The following LRRC4C variants were observed in gnomAD, a reference collection of about 807,000 sequenced individuals.
LRRC4C encodes the protein leucine-rich repeat-containing protein 4C.
A neutral mutation model predicts 33.6 loss-of-function variants in LRRC4C; 5 were observed. That is an observed-to-expected ratio of 0.15 (90% CI 0.08 to 0.31). LRRC4C has a LOEUF of 0.31. LRRC4C is among the 10% of genes least tolerant of loss of function. The pLI is 1.00. For synonymous variants in LRRC4C, 329 were observed against 302.0 expected, an observed-to-expected ratio of 1.09 and a Z score of -0.93; for missense variants, 560 against 796.7, an observed-to-expected ratio of 0.70 and a Z score of 3.58.
At chr11:40,732,005 T>C (rs1947608673) in intron 2 of LRRC4C, among the ~76,000 whole-genome samples, 1 of 151,452 alleles carries the variant, frequency 6.6e-6, no homozygotes, top group African/African-American at 2.4e-5. Flanking sequence ...CAATCTTCTA[T>C]CCTAGGAACA....
chr11:40,206,928 G>A (rs995824282), intron 5 of LRRC4C, among the ~76,000 whole-genome samples: 2 of 151,958 alleles, frequency 1.3e-5, no homozygotes, highest in Non-Finnish European at 2.9e-5. Flanking sequence ...ATAAACCTGG[G>A]GGAAGGGGAC....
At chr11:41,027,944 A>G (rs928780165) in intron 1 of LRRC4C, among the ~76,000 whole-genome samples, 5 of 151,694 alleles carry the variant, frequency 3.3e-5, no homozygotes, top group African/African-American at 1.2e-4. Flanking sequence ...GTATTAATTA[A>G]AACTCAAACA....
chr11:41,367,579 C>A (rs562641191), intron 1 of LRRC4C, among the ~76,000 whole-genome samples: 1 of 152,076 alleles, frequency 6.6e-6, no homozygotes, highest in African/African-American at 2.4e-5. Flanking sequence ...ATTTTTCACA[C>A]GTAAAATTGG....
rs549145259 is a variant in LRRC4C, at chr11:40,457,286, T to G, written c.-269-137565A>C. 1.1e-4 allele frequency among the ~76,000 whole-genome samples: 17 copies of G among 152,132 alleles called. No individual in the cohort carries two copies. In the South Asian group the frequency reaches 3.5e-3, roughly 32 times the overall value. On this transcript the variant is annotated intron_variant, in intron 3 of 6. Transcript: ENST00000528697. ...GAAAGATATTTTTAAGAAGAAAGTA[T>G]ACCCATCAAAGAGTAATAAATTCAT... is the stretch of plus-strand genomic sequence containing the variant.
chr11:41,441,566 T>C (rs2138532791), intron 1 of LRRC4C, among the ~76,000 whole-genome samples: 1 of 150,462 alleles, frequency 6.6e-6, no homozygotes, highest in Non-Finnish European at 1.5e-5. Flanking sequence ...CAATCTTCAT[T>C]CAGAGACTTA....
intron 2 of LRRC4C, among the ~76,000 whole-genome samples, chr11:40,881,836 T>G (rs1175900018): frequency 6.6e-6 from 1 of 152,070 alleles, no homozygotes; most frequent in Non-Finnish European, 1.5e-5. Context: ...ATTATATATT[T>G]TAATAAACTT....
intron 6 of LRRC4C, 35 bp from the exon 7 acceptor site, chr11:40,116,369 A>G (rs1193341300): frequency 6.6e-7 from 1 of 1,511,514 alleles, no homozygotes; most frequent in African/African-American, 1.4e-5. Context: ...CAATTATTAG[A>G]TTAGATTTAT....
chr11:41,428,503 G>A (rs938550844), intron 1 of LRRC4C, among the ~76,000 whole-genome samples: 8 of 152,012 alleles, frequency 5.3e-5, no homozygotes, highest in Admixed American at 1.3e-4. Flanking sequence ...TCAACTTTCT[G>A]CCTAACAATA....
chr11:40,137,188 GTGTA>G (rs1220267943), intron 6 of LRRC4C, among the ~76,000 whole-genome samples: 10 of 151,842 alleles, frequency 6.6e-5, no homozygotes, highest in Non-Finnish European at 1.3e-4. Flanking sequence ...GTGTGTGTGT[GTGTA>G]TGTGAGAATA....
chr11:40,372,832 A>G (rs1473268615), intron 3 of LRRC4C, among the ~76,000 whole-genome samples: 1 of 152,178 alleles, frequency 6.6e-6, no homozygotes, highest in African/African-American at 2.4e-5. Flanking sequence ...GGTGGAATTG[A>G]ATATCTGGCC....
chr11:41,081,584 A>T (rs1301536617), intron 1 of LRRC4C, among the ~76,000 whole-genome samples: 2 of 152,144 alleles, frequency 1.3e-5, no homozygotes, highest in Non-Finnish European at 2.9e-5. Flanking sequence ...CTTATTATCC[A>T]CCTATTGCAG....
At chr11:40,984,048 TC>T (rs1218772484) in intron 1 of LRRC4C, among the ~76,000 whole-genome samples, 1 of 151,970 alleles carries the variant, frequency 6.6e-6, no homozygotes, top group Non-Finnish European at 1.5e-5. Flanking sequence ...AAGCTGACCA[TC>T]TAATGGAGAA....
chr11:40,308,309 A>G (rs906252975), intron 4 of LRRC4C, among the ~76,000 whole-genome samples: 11 of 152,238 alleles, frequency 7.2e-5, no homozygotes, highest in African/African-American at 2.4e-4. Context: ...ATAAAGTAGA[A>G]GAGAAACTGA....
chr11:41,437,648 C>T (rs1955476147), intron 1 of LRRC4C, among the ~76,000 whole-genome samples: 1 of 152,182 alleles, frequency 6.6e-6, no homozygotes, highest in Non-Finnish European at 1.5e-5. Context: ...TTTCCTTATT[C>T]ACTCATTACA....
chr11:40,915,089 A>G (rs1180286487), intron 2 of LRRC4C, among the ~76,000 whole-genome samples: 1 of 152,192 alleles, frequency 6.6e-6, no homozygotes, highest in African/African-American at 2.4e-5. Flanking sequence ...ATGGGTAGGA[A>G]GAATCAATAT....
chr11:40,274,424 T>TACACACACACACAC lies in LRRC4C; in HGVS notation c.-175-32840_-175-32827dup, dbSNP rs56027023. Among the ~76,000 whole-genome samples the TACACACACACACAC allele has an allele frequency of 8.6e-3, 1,202 of 139,038 alleles. 18 individuals carry two copies. Among genetic ancestry groups the TACACACACACACAC allele is most frequent in the East Asian group, 0.027 (118 of 4,392 alleles). 91.2% of individuals were successfully genotyped at this position (139,038 alleles called of 152,430 possible). A position where few individuals can be genotyped will look rare whatever the true frequency, so the allele number is the denominator to read the frequency against. Reference sequence around the variant, plus strand: ...TTACCCTGCGGAATAGACACACACATACACACACACACACACACACACACA... The same window carrying TACACACACACACAC: ...TTACCCTGCGGAATAGACACACACATACACACACACACACACACACACACACACACACACACACA... On this transcript the variant is annotated intron_variant, in intron 4 of 6. Coordinates refer to ENST00000528697, the MANE Select transcript of LRRC4C (RefSeq NM_001258419.2).
At chr11:40,709,811 A>C (rs909482101) in intron 2 of LRRC4C, among the ~76,000 whole-genome samples, 39 of 152,024 alleles carry the variant, frequency 2.6e-4, no homozygotes, top group Non-Finnish European at 4.4e-5. Flanking sequence ...TCTCCCTGTC[A>C]CTTTCAGGTA....
At chr11:40,140,246 G>A (rs1210775706) in intron 6 of LRRC4C, among the ~76,000 whole-genome samples, 1 of 152,114 alleles carries the variant, frequency 6.6e-6, no homozygotes, top group Non-Finnish European at 1.5e-5. Context: ...CAGTGTTCCT[G>A]CCTCCTGCTG....
At chr11:41,244,922 CA>C (rs757811415) in intron 1 of LRRC4C, among the ~76,000 whole-genome samples, 78 of 152,250 alleles carry the variant, frequency 5.1e-4, no homozygotes, top group South Asian at 1.0e-3. Flanking sequence ...TAAACACCTA[CA>C]ACATGACAGG....
Sources: allele counts gnomAD v4.1 joint callset (sites outside exome capture counted in the v4.1 genomes callset), GRCh38; gene constraint gnomAD v4.1.1; transcripts MANE v1.5; gene names NCBI Gene and HGNC (gene_info 2026-07-23, HGNC 2026-07-21).